The following BOLL variants were observed in gnomAD, a reference collection of about 807,000 sequenced individuals.
The protein encoded by BOLL is protein boule-like.
BOLL carries 23 observed loss-of-function variants against 44.4 expected under a neutral mutation model. The ratio of observed to expected loss-of-function variants is 0.52; its 90% CI spans 0.37 to 0.73. The LOEUF (loss-of-function observed/expected upper bound fraction) is 0.73, where lower values mean the gene tolerates loss of function less well. Ranked by LOEUF, BOLL falls within the 30% of genes least tolerant of loss-of-function variation. The pLI, the probability that BOLL is intolerant of heterozygous loss-of-function variation, is 0.00. For synonymous variants in BOLL, 97 were observed against 110.8 expected, an observed-to-expected ratio of 0.88 and a Z score of 0.78; for missense variants, 287 against 338.3, an observed-to-expected ratio of 0.85 and a Z score of 1.19.
chr2:197,728,401 G>T lies in BOLL; in HGVS notation c.*154C>A. ...AAGCAAATTTCATCAAATTTAGACA[G>T]CTTATAGTGGAATAACTGAGTATGG... is the stretch of plus-strand genomic sequence containing the variant. On this transcript the variant is annotated 3_prime_UTR_variant, in exon 11 of 11. Transcript: ENST00000392296. The T allele has an allele frequency of 8.1e-7, 1 of 1,236,414 alleles. No individual in the cohort carries two copies. 76.6% of individuals were successfully genotyped at this position (1,236,414 alleles called of 1,614,324 possible). A position where few individuals can be genotyped will look rare whatever the true frequency, so the allele number is the denominator to read the frequency against.
At chr2:197,777,800 A>G (rs1204171938) in intron 3 of BOLL, among the ~76,000 whole-genome samples, 1 of 151,898 alleles carries the variant, frequency 6.6e-6, no homozygotes, top group African/African-American at 2.4e-5. Flanking sequence ...CTCTCAAAAC[A>G]TAATTGCTAT....
rs1199366120 is a variant in BOLL at position 197,728,705 on chromosome 2, A to G, written c.829-127T>C. On this transcript the variant is annotated intron_variant, in intron 10 of 10. Transcript: ENST00000392296. ...TTTGCAGAACCTTGGTACCAATTAA[A>G]TTAGAATGTTACAAAGTGAGAGGCT... 3 of 660,080 alleles carry G rather than the reference A, an allele frequency of 4.5e-6. No homozygotes were observed. In the Admixed American group the frequency reaches 9.4e-5, roughly 21 times the overall value. The allele number at this position is 660,080 out of a possible 1,614,324, so 40.9% of individuals were successfully genotyped here.
At chr2:197,731,766 C>G (rs1476144576) in intron 10 of BOLL, among the ~76,000 whole-genome samples, 3 of 151,730 alleles carry the variant, frequency 2.0e-5, no homozygotes, top group Non-Finnish European at 4.4e-5. Flanking sequence ...TTGAAACCAA[C>G]GAGAGCAAAG....
chr2:197,775,622 C>A (rs755268178), intron 5 of BOLL, 43 bp downstream of exon 5: 22 of 1,216,860 alleles, frequency 1.8e-5, no homozygotes, highest in East Asian at 2.6e-5. Flanking sequence ...CAAAAAAGAA[C>A]CATGCAAAAA....
chr2:197,759,174 G>T (rs903227130), intron 7 of BOLL, among the ~76,000 whole-genome samples: 1 of 152,152 alleles, frequency 6.6e-6, no homozygotes, highest in African/African-American at 2.4e-5. Context: ...TGCCGCAGGG[G>T]AGTGGAGACA....
intron 7 of BOLL, chr2:197,758,869 C>G: frequency 7.6e-7 from 1 of 1,321,248 alleles, no homozygotes; most frequent in African/African-American, 1.5e-5. Flanking sequence ...CAGTCCAATA[C>G]CTGTATCTTA....
At chr2:197,734,649 G>A (rs906818433) in intron 10 of BOLL, among the ~76,000 whole-genome samples, 7 of 152,160 alleles carry the variant, frequency 4.6e-5, no homozygotes, top group African/African-American at 1.7e-4. Flanking sequence ...ATGAGTTCAT[G>A]TCCTTTGTAG....
At chr2:197,785,917 G>T (rs532809750), upstream of BOLL, 5 of 1,345,912 alleles carry the variant, frequency 3.7e-6, no homozygotes, top group African/African-American at 4.3e-5. The surrounding 1 kb of genome is among the most constrained non-coding windows in gnomAD (Gnocchi z 6.7). Flanking sequence ...AGCCCTCAGG[G>T]ACAGGCTCCA....
intron 10 of BOLL, among the ~76,000 whole-genome samples, chr2:197,737,367 C>A (rs925178659): frequency 6.6e-6 from 1 of 151,994 alleles, no homozygotes; most frequent in South Asian, 2.1e-4. Context: ...ACTGTCCTTA[C>A]ATCAAAAAGG....
chr2:197,757,280 A>C (rs1020605390), intron 8 of BOLL, 73 bp downstream of exon 8: 3 of 1,295,008 alleles, frequency 2.3e-6, no homozygotes, highest in Non-Finnish European at 3.2e-6. Flanking sequence ...AAAAAACTTT[A>C]GTATTCATGC....
At chr2:197,733,842 G>C (rs938467988) in intron 10 of BOLL, among the ~76,000 whole-genome samples, 6 of 152,064 alleles carry the variant, frequency 3.9e-5, no homozygotes, top group African/African-American at 4.8e-5. Context: ...CATGTTAGAC[G>C]TAAAACCATA....
chr2:197,749,628 G>A (rs1688145487), intron 9 of BOLL, among the ~76,000 whole-genome samples: 1 of 151,664 alleles, frequency 6.6e-6, no homozygotes, highest in South Asian at 2.1e-4. Context: ...GCAGAAGAAA[G>A]GATATCAGAG....
intron 10 of BOLL, among the ~76,000 whole-genome samples, chr2:197,740,983 T>C (rs1687704723): frequency 6.6e-6 from 1 of 152,188 alleles, no homozygotes; most frequent in Non-Finnish European, 1.5e-5. Flanking sequence ...TGGTTCCATA[T>C]GAACTTTAAA....
chr2:197,757,281 G>C (rs966913018), intron 8 of BOLL, 72 bp downstream of exon 8: 36 of 1,304,446 alleles, frequency 2.8e-5, no homozygotes, highest in Admixed American at 2.0e-4. Context: ...AAAAACTTTA[G>C]TATTCATGCA....
chr2:197,763,204 C>T (rs1297438526), intron 7 of BOLL, among the ~76,000 whole-genome samples: 2 of 152,026 alleles, frequency 1.3e-5, no homozygotes, highest in African/African-American at 2.4e-5. Context: ...GAAACAAGGC[C>T]GGGCACGGTG....
intron 10 of BOLL, among the ~76,000 whole-genome samples, chr2:197,732,222 A>C (rs1687221883): frequency 6.6e-6 from 1 of 152,024 alleles, no homozygotes; most frequent in Admixed American, 6.5e-5. Flanking sequence ...GAAATGGATA[A>C]ATTTCTCGAC....
At chr2:197,779,180 C>T in intron 2 of BOLL, 114 bp from the exon 3 acceptor site, 1 of 710,672 alleles carries the variant, frequency 1.4e-6, no homozygotes, top group Non-Finnish European at 2.3e-6. Flanking sequence ...TGAAAAATGC[C>T]TCTCATCATC....
At chr2:197,753,928 C>T (rs1031331112) in intron 9 of BOLL, among the ~76,000 whole-genome samples, 16 of 152,250 alleles carry the variant, frequency 1.1e-4, no homozygotes, top group Admixed American at 2.6e-4. Flanking sequence ...AAATGTGGCA[C>T]ATACACACCA....
intron 7 of BOLL, among the ~76,000 whole-genome samples, chr2:197,760,034 C>T (rs1472741181): frequency 6.6e-5 from 10 of 152,102 alleles, no homozygotes; most frequent in Non-Finnish European, 2.9e-5. Context: ...CCAGCAGACA[C>T]GTCCCCAGGA....
Sources: allele counts gnomAD v4.1 joint callset (sites outside exome capture counted in the v4.1 genomes callset), GRCh38; gene constraint gnomAD v4.1.1; non-coding constraint Gnocchi (gnomAD v3.1); transcripts MANE v1.5; gene names NCBI Gene and HGNC (gene_info 2026-07-23, HGNC 2026-07-21).